RHOBTB2: variants seen among roughly 807,000 people sequenced by gnomAD.
RHOBTB2 encodes rho-related BTB domain-containing protein 2.
In RHOBTB2, 39 loss-of-function variants were observed where a neutral mutation model predicts 66.5. The observed-to-expected ratio is 0.59, with a 90% CI of 0.45 to 0.77. RHOBTB2 has a LOEUF of 0.77. Ranked by LOEUF, RHOBTB2 falls within the 30% of genes least tolerant of loss-of-function variation. The pLI is 0.00. For synonymous variants in RHOBTB2, 390 were observed against 395.0 expected (o/e 0.99, Z 0.15); for missense variants, 755 against 999.1 (o/e 0.76, Z 3.29).
chr8:22,995,093 CT>C (rs199737324), upstream of RHOBTB2, among the ~76,000 whole-genome samples: 2 of 151,932 alleles, frequency 1.3e-5, no homozygotes, highest in Non-Finnish European at 2.9e-5. Context: ...TAGGCATTAT[CT>C]TTTTTAAAAA....
At chr8:22,963,510 G>A in the RHOBTB2 span, among the ~76,000 whole-genome samples, 1 of 150,180 alleles carries the variant, frequency 6.7e-6, no homozygotes, top group Admixed American at 6.7e-5. Flanking sequence ...TAGCGCAAGT[G>A]TAATACCACA....
At chr8:22,981,386 C>T in the RHOBTB2 span, among the ~76,000 whole-genome samples, 2 of 152,278 alleles carry the variant, frequency 1.3e-5, no homozygotes, top group African/African-American at 2.4e-5. Flanking sequence ...GGGAGCTACC[C>T]GCAGCTCATT....
chr8:22,960,824 C>T, the RHOBTB2 span, among the ~76,000 whole-genome samples: 1 of 152,276 alleles, frequency 6.6e-6, no homozygotes, highest in South Asian at 2.1e-4. Flanking sequence ...ACTTTCTTTA[C>T]TCAGGGACAG....
Position 22,999,609 on chromosome 8 carries a change from GT to G in RHOBTB2, c.-500del, listed in dbSNP as rs1175606572. 4.1e-6 allele frequency: 5 copies of G among 1,233,824 alleles called. No individual in the cohort carries two copies. The highest frequency in any genetic ancestry group is 1.3e-5 in the South Asian group (1 of 74,506). 76.4% of individuals were successfully genotyped at this position (1,233,824 alleles called of 1,614,324 possible). A position where few individuals can be genotyped will look rare whatever the true frequency, so the allele number is the denominator to read the frequency against. The stretch of plus-strand genomic sequence containing the variant: ...TTTCTCCTCCTTTTTTTACCCTCCC[GT>G]TTTTTTCTTTTCTTTTTTTTTTCCC... On this transcript the variant is annotated 5_prime_UTR_variant, in exon 1 of 10. Coordinates refer to ENST00000251822, the MANE Select transcript of RHOBTB2 (RefSeq NM_015178.3).
intron 1 of RHOBTB2, among the ~76,000 whole-genome samples, chr8:23,003,036 C>G (rs1292609103): frequency 6.6e-6 from 1 of 152,248 alleles, no homozygotes; most frequent in Admixed American, 6.5e-5. Context: ...GATGGCTCAG[C>G]AGCCAGGGTG....
At chr8:22,968,288 A>T in the RHOBTB2 span, among the ~76,000 whole-genome samples, 2 of 152,180 alleles carry the variant, frequency 1.3e-5, no homozygotes, top group African/African-American at 2.4e-5. Flanking sequence ...TAACAAATTA[A>T]ATGAAGTATA....
chr8:23,007,976 ATGCT>A lies in RHOBTB2; in HGVS notation c.1502-15_1502-12del, dbSNP rs1319872112. 1 of 1,607,160 alleles carries A rather than the reference ATGCT, an allele frequency of 6.2e-7. No homozygotes were observed. On this transcript the variant is annotated splice_polypyrimidine_tract_variant and intron_variant, in intron 5 of 9. Coordinates refer to ENST00000251822, the MANE Select transcript of RHOBTB2 (RefSeq NM_015178.3). Reference sequence around the variant, plus strand: ...AGCTTCTTTCACCAGTCCTCCTGTGATGCTTCTTCTGGACAGATGTGACCTTCAT... The same window carrying A: ...AGCTTCTTTCACCAGTCCTCCTGTGATCTTCTGGACAGATGTGACCTTCAT...
the RHOBTB2 span, among the ~76,000 whole-genome samples, chr8:22,974,671 GTA>G: frequency 6.6e-6 from 1 of 152,212 alleles, no homozygotes; most frequent in Non-Finnish European, 1.5e-5. Context: ...AGTGCAGTTT[GTA>G]GAGAGTTTAA....
At chr8:22,960,115 G>A in the RHOBTB2 span, among the ~76,000 whole-genome samples, 1 of 151,122 alleles carries the variant, frequency 6.6e-6, no homozygotes, top group Non-Finnish European at 1.5e-5. Flanking sequence ...CCCAGGAAGT[G>A]GAGGTTGCAG....
At chr8:22,963,325 G>A in the RHOBTB2 span, among the ~76,000 whole-genome samples, 3 of 152,190 alleles carry the variant, frequency 2.0e-5, no homozygotes, top group Non-Finnish European at 4.4e-5. Flanking sequence ...GAAGTGGGCT[G>A]TCCTGAACTA....
intron 1 of RHOBTB2, among the ~76,000 whole-genome samples, chr8:23,001,269 G>A (rs1369137324): frequency 6.6e-6 from 1 of 152,052 alleles, no homozygotes; most frequent in African/African-American, 2.4e-5. Flanking sequence ...TGGGGATGAG[G>A]CAATTGTGAG....
chr8:23,002,056 C>A (rs982989158), intron 1 of RHOBTB2, among the ~76,000 whole-genome samples: 3 of 152,232 alleles, frequency 2.0e-5, no homozygotes, highest in African/African-American at 7.2e-5. Flanking sequence ...TTCTCACTGT[C>A]AAGGTGCTCC....
In RHOBTB2 at chr8:23,004,920, C is replaced by T. The variant is rs573345262; in HGVS notation, c.192+294C>T. The T allele has an allele frequency of 1.2e-5, 6 of 486,442 alleles. No homozygotes were observed. Among genetic ancestry groups the T allele is most frequent in the African/African-American group, 7.8e-5 (4 of 51,536 alleles). The allele number at this position is 486,442 out of a possible 1,614,324, so 30.1% of individuals were successfully genotyped here. A position where few individuals can be genotyped will look rare whatever the true frequency, so the allele number is the denominator to read the frequency against. On this transcript the variant is annotated intron_variant, in intron 2 of 9. Transcript: ENST00000251822. This position sits in a 1 kb window ranked among gnomAD's most constrained non-coding sequence, Gnocchi z 6.4. ...TCACAGCCTTAAGTAATGGGGAGCA[C>T]TGGAGGGCTGGGGCTTGGAAGAGAT...
the RHOBTB2 span, among the ~76,000 whole-genome samples, chr8:22,970,330 C>T: frequency 6.6e-6 from 1 of 152,198 alleles, no homozygotes; most frequent in Non-Finnish European, 1.5e-5. Context: ...AACCCATTCA[C>T]CGGGGGGAGC....
At chr8:22,998,724 CAAAAAA>C (rs555614764), upstream of RHOBTB2, among the ~76,000 whole-genome samples, 6 of 81,310 alleles carry the variant, frequency 7.4e-5, no homozygotes, top group African/African-American at 2.6e-4. Flanking sequence ...GAGGGAGACT[CAAAAAA>C]AAAAAAAAAA....
At chr8:22,984,497 T>C (rs1810259685), upstream of RHOBTB2, 1 of 152,252 alleles carries the variant, frequency 6.6e-6, no homozygotes, top group Admixed American at 6.5e-5. Flanking sequence ...TTGGTGACTA[T>C]AGCAGAAGGA....
At chr8:22,957,403 T>C in the RHOBTB2 span, among the ~76,000 whole-genome samples, 1 of 152,226 alleles carries the variant, frequency 6.6e-6, no homozygotes, top group Non-Finnish European at 1.5e-5. Flanking sequence ...TTGGGCTGTT[T>C]TTCAAACACA....
chr8:22,970,275 C>T, the RHOBTB2 span, among the ~76,000 whole-genome samples: 1 of 152,154 alleles, frequency 6.6e-6, no homozygotes, highest in Non-Finnish European at 1.5e-5. Flanking sequence ...GGTGGAAATA[C>T]AGGAGGAATG....
intron 7 of RHOBTB2, 96 bp downstream of exon 7, chr8:23,010,784 G>A: frequency 7.4e-7 from 1 of 1,344,424 alleles, no homozygotes; most frequent in Non-Finnish European, 1.0e-6. Flanking sequence ...TGGGGGACAA[G>A]CTGATGTCCA....
Sources: gnomAD v4.1 joint callset for allele counts (sites outside exome capture counted in the v4.1 genomes callset) on GRCh38, gnomAD v4.1.1 for gene constraint, Gnocchi (gnomAD v3.1) non-coding constraint, MANE v1.5 for transcripts, NCBI Gene and HGNC (gene_info 2026-07-23, HGNC 2026-07-21) for gene names.